Variants in MGAT4C observed in about 807,000 individuals in gnomAD.
MGAT4C encodes alpha-1,3-mannosyl-glycoprotein 4-beta-N-acetylglucosaminyltransferase C.
In MGAT4C, 19 loss-of-function variants were observed where a neutral mutation model predicts 40.1. That is an observed-to-expected ratio of 0.47 (90% CI 0.33 to 0.70). The LOEUF (loss-of-function observed/expected upper bound fraction) is 0.70, where lower values mean the gene tolerates loss of function less well. Among genes scored for constraint, MGAT4C ranks in the 30% least tolerant of loss-of-function variants. The pLI, the probability that MGAT4C is intolerant of heterozygous loss-of-function variation, is 0.02. For missense variants in MGAT4C, 491 were observed against 563.2 expected (o/e 0.87, Z 1.30); for synonymous variants, 181 against 187.1 (o/e 0.97, Z 0.27).
intron 1 of MGAT4C, among the ~76,000 whole-genome samples, chr12:86,151,731 T>A (rs188199178): frequency 1.3e-5 from 2 of 152,390 alleles, no homozygotes; most frequent in Non-Finnish European, 1.5e-5. Context: ...ATTACTTTTC[T>A]GACTAACTGA....
chr12:86,835,331 T>C (rs1323865620), intron 1 of MGAT4C, among the ~76,000 whole-genome samples: 2 of 151,986 alleles, frequency 1.3e-5, no homozygotes, highest in Admixed American at 1.3e-4. Context: ...AACATTCACA[T>C]TTGACAGTTT....
At chr12:86,127,376 T>C (rs1174767211) in intron 1 of MGAT4C, among the ~76,000 whole-genome samples, 1 of 152,176 alleles carries the variant, frequency 6.6e-6, no homozygotes, top group African/African-American at 2.4e-5. Flanking sequence ...TGGGCACTTA[T>C]CATAAATTAA....
chr12:86,596,579 T>C (rs968927450), intron 2 of MGAT4C, among the ~76,000 whole-genome samples: 1 of 152,178 alleles, frequency 6.6e-6, no homozygotes, highest in Admixed American at 6.5e-5. Flanking sequence ...GTGGCTCTTA[T>C]ATTGCTCAAA....
chr12:86,306,381 T>C (rs1189944490), intron 4 of MGAT4C, among the ~76,000 whole-genome samples: 2 of 150,608 alleles, frequency 1.3e-5, no homozygotes, highest in Non-Finnish European at 2.9e-5. Flanking sequence ...GAAGTAATTA[T>C]TGATATATAC....
chr12:86,510,429 C>G lies in MGAT4C; in HGVS notation c.-228-75164G>C, dbSNP rs144087602. ...CATCGAGGCTAGGAAGAAACTGCAT[C>G]AACTAACAGGCAAACTAACCAGCTA... On this transcript the variant is annotated intron_variant, in intron 2 of 7. Coordinates refer to the MGAT4C transcript ENST00000548651. 5.3e-5 allele frequency among the ~76,000 whole-genome samples: 8 copies of G among 152,242 alleles called. No individual in the cohort carries two copies. The East Asian group carries it at 1.5e-3, about 29-fold the overall frequency.
chr12:86,686,342 C>T (rs1950071842), intron 2 of MGAT4C, among the ~76,000 whole-genome samples: 3 of 152,050 alleles, frequency 2.0e-5, no homozygotes, highest in Admixed American at 2.0e-4. Flanking sequence ...TTTCTCTTGC[C>T]TGATTGCCTG....
intron 3 of MGAT4C, among the ~76,000 whole-genome samples, chr12:86,403,370 T>G: frequency 6.6e-6 from 1 of 152,184 alleles, no homozygotes; most frequent in East Asian, 1.9e-4. Flanking sequence ...TAAGGAAAAA[T>G]ATATGCAAAT....
At chr12:86,748,280 A>C (rs1951183638) in intron 1 of MGAT4C, among the ~76,000 whole-genome samples, 1 of 151,606 alleles carries the variant, frequency 6.6e-6, no homozygotes, top group African/African-American at 2.4e-5. Flanking sequence ...AACTGTAACA[A>C]ACAGTTCTAA....
At chr12:86,821,462 G>A (rs926533943) in intron 1 of MGAT4C, among the ~76,000 whole-genome samples, 7 of 150,768 alleles carry the variant, frequency 4.6e-5, no homozygotes, top group African/African-American at 1.7e-4. Flanking sequence ...AGGGTAATTG[G>A]ATATCCATCA....
At chr12:86,543,260 T>C (rs941617619) in intron 2 of MGAT4C, among the ~76,000 whole-genome samples, 1 of 151,472 alleles carries the variant, frequency 6.6e-6, no homozygotes. Flanking sequence ...TATGGCAATT[T>C]TTATATTTAC....
intron 2 of MGAT4C, among the ~76,000 whole-genome samples, chr12:86,507,296 A>G (rs144119729): frequency 6.6e-6 from 1 of 152,290 alleles, no homozygotes; most frequent in East Asian, 1.9e-4. Context: ...CTCATAATAC[A>G]CAGATACGTG....
intron 1 of MGAT4C, among the ~76,000 whole-genome samples, chr12:86,209,133 G>T (rs1950364912): frequency 6.6e-6 from 1 of 151,878 alleles, no homozygotes; most frequent in African/African-American, 2.4e-5. Context: ...AAAAATGGAT[G>T]ATATTCTTTG....
intron 3 of MGAT4C, among the ~76,000 whole-genome samples, chr12:86,377,214 C>A (rs1477378240): frequency 6.6e-6 from 1 of 151,206 alleles, no homozygotes; most frequent in East Asian, 1.9e-4. Context: ...CATTCGCCAC[C>A]ACGCCTGGCT....
intron 2 of MGAT4C, among the ~76,000 whole-genome samples, chr12:86,678,461 G>A (rs895824694): frequency 6.6e-6 from 1 of 151,012 alleles, no homozygotes; most frequent in East Asian, 1.9e-4. Context: ...TAAGTTTTAG[G>A]GTACATGTGC....
chr12:86,424,744 G>T (rs1423362850), intron 3 of MGAT4C, among the ~76,000 whole-genome samples: 1 of 151,962 alleles, frequency 6.6e-6, no homozygotes, highest in East Asian at 1.9e-4. Flanking sequence ...AATAAAGGAG[G>T]TACTACTAAA....
intron 2 of MGAT4C, among the ~76,000 whole-genome samples, chr12:86,632,146 C>T (rs1246102835): frequency 1.3e-5 from 2 of 151,926 alleles, no homozygotes; most frequent in Non-Finnish European, 1.5e-5. Flanking sequence ...CCAGCAGACA[C>T]ATGAAAAAAT....
intron 3 of MGAT4C, among the ~76,000 whole-genome samples, chr12:86,382,892 G>A (rs758079524): frequency 1.3e-5 from 2 of 152,224 alleles, no homozygotes; most frequent in Non-Finnish European, 2.9e-5. Context: ...TGCCTGAATG[G>A]CCAGGCAGAA....
At chr12:86,823,979 A>G (rs1309920207) in intron 1 of MGAT4C, among the ~76,000 whole-genome samples, 1 of 151,426 alleles carries the variant, frequency 6.6e-6, no homozygotes, top group Non-Finnish European at 1.5e-5. Flanking sequence ...TATTACATAG[A>G]AAGTTCCAGA....
At chr12:86,497,780 C>A (rs1265708831) in intron 2 of MGAT4C, among the ~76,000 whole-genome samples, 2 of 149,150 alleles carry the variant, frequency 1.3e-5, no homozygotes, top group African/African-American at 2.4e-5. Context: ...CATGGTGATG[C>A]TTATTTTGCT....
Sources: allele counts gnomAD v4.1 joint callset (sites outside exome capture counted in the v4.1 genomes callset), GRCh38; gene constraint gnomAD v4.1.1; transcripts MANE v1.5; gene names NCBI Gene and HGNC (gene_info 2026-07-23, HGNC 2026-07-21).